The following SNED1 variants were observed in gnomAD, a reference collection of about 807,000 sequenced individuals.
SNED1 encodes the protein sushi, nidogen and EGF like domains 1, also known as sushi, nidogen and EGF-like domain-containing protein 1.
A neutral mutation model predicts 166.7 loss-of-function variants in SNED1; 81 were observed. The ratio of observed to expected loss-of-function variants is 0.49; its 90% CI spans 0.41 to 0.58. The LOEUF is 0.58. SNED1 is among the 20% of genes least tolerant of loss of function. The probability of loss-of-function intolerance (pLI) is 0.00; values close to 1 mark genes in which losing one functional copy is unlikely to be tolerated. For synonymous variants in SNED1, 762 were observed against 822.0 expected, an observed-to-expected ratio of 0.93 and a Z score of 1.25; for missense variants, 1,604 against 2,000.2, an observed-to-expected ratio of 0.80 and a Z score of 3.78.
At chr2:241,019,604 G>A (rs1011472689) in intron 1 of SNED1, among the ~76,000 whole-genome samples, 1 of 152,190 alleles carries the variant, frequency 6.6e-6, no homozygotes, top group Non-Finnish European at 1.5e-5. Context: ...TCACACAGGC[G>A]GCACAGGGTC....
intron 27 of SNED1, among the ~76,000 whole-genome samples, chr2:241,077,154 G>A (rs1407948478): frequency 6.6e-6 from 1 of 152,008 alleles, no homozygotes; most frequent in African/African-American, 2.4e-5. Context: ...CAAGGGGGCT[G>A]AAACCATTCA....
At chr2:241,082,140 G>A in intron 28 of SNED1, 137 bp from the exon 29 acceptor site, 2 of 675,332 alleles carry the variant, frequency 3.0e-6, no homozygotes, top group Non-Finnish European at 5.2e-6. Flanking sequence ...CAGACCCCCG[G>A]GCCCTCTCCC....
intron 1 of SNED1, among the ~76,000 whole-genome samples, chr2:241,005,643 G>A (rs2060202233): frequency 6.6e-6 from 1 of 151,934 alleles, no homozygotes; most frequent in South Asian, 2.1e-4. Flanking sequence ...TTGAAAGATA[G>A]CTCTGCTGGG....
rs1194628110 is a variant in SNED1, at chr2:241,048,704, T to G, written c.1442T>G (p.Leu481Arg). The G allele has an allele frequency of 1.2e-6, 2 of 1,612,974 alleles. No homozygotes were observed. The highest frequency in any genetic ancestry group is 1.7e-6 in the Non-Finnish European group (2 of 1,179,548). ...GAGTGCCGCAACGGAGGCAGATGCC[T>G]GGGCGCCAACACCACCCTCTGCCAG... The part of the protein sequence containing the change: ...DCECRNGGRC[L>R]GANTTLCQCP... Residue 481 changes from leucine to arginine, a missense_variant, in exon 10 of 32, where the codon CTG (leucine) becomes CGG (arginine). Physicochemically the swap from Leu to Arg is moderately radical, Grantham distance 102. Coordinates refer to ENST00000310397, the MANE Select transcript of SNED1 (RefSeq NM_001080437.3).
chr2:241,090,434 G>A (rs1334755493), intron 31 of SNED1: 1 of 1,545,962 alleles, frequency 6.5e-7, no homozygotes, highest in South Asian at 1.2e-5. Context: ...TTTTTCATAA[G>A]TAGAAGGAGT....
intron 1 of SNED1, among the ~76,000 whole-genome samples, chr2:241,001,422 GT>G (rs1454218340): frequency 6.6e-6 from 1 of 152,246 alleles, no homozygotes; most frequent in East Asian, 1.9e-4. Flanking sequence ...GGGACCCATT[GT>G]TTTGCTTCTT....
At chr2:241,008,855 A>T (rs1007993577) in intron 1 of SNED1, among the ~76,000 whole-genome samples, 1 of 152,212 alleles carries the variant, frequency 6.6e-6, no homozygotes, top group Non-Finnish European at 1.5e-5. Flanking sequence ...GCCTCCACAC[A>T]GGAGGGCAGC....
chr2:241,002,595 G>A (rs2060108844), intron 1 of SNED1, among the ~76,000 whole-genome samples: 1 of 152,134 alleles, frequency 6.6e-6, no homozygotes, highest in Non-Finnish European at 1.5e-5. Flanking sequence ...TGGAGTGAGA[G>A]AGCCTGATGA....
Position 241,065,320 on chromosome 2 carries a change from T to C in SNED1, c.2735T>C (p.Leu912Pro). 1 of 1,612,710 alleles carries C rather than the reference T, an allele frequency of 6.2e-7. No homozygotes were observed. Among genetic ancestry groups the C allele is most frequent in the Non-Finnish European group, 8.5e-7 (1 of 1,179,782 alleles). ...CAKELFPPTA[L>P]KMERVEESGV... is the part of the protein sequence containing the mutation. ...GAAGAGCTCTTCCCACCGACGGCCC[T>C]CAAGATGGAGAGAGTGGAGGAGAGT... Residue 912 changes from leucine (L) to proline (P), a missense_variant, in exon 21 of 32, where the codon CTC (leucine) becomes CCC (proline). By Grantham distance (98) the Leu-to-Pro change is moderately conservative. Coordinates refer to ENST00000310397, the MANE Select transcript of SNED1 (RefSeq NM_001080437.3).
rs767178300 is a variant in SNED1 at position 241,065,498 on chromosome 2, G to A, written c.2913G>A (p.Ala971=). 3.5e-5 allele frequency: 56 copies of A among 1,612,814 alleles called. No individual in the cohort carries two copies. Among genetic ancestry groups the A allele is most frequent in the Non-Finnish European group, 4.3e-5 (51 of 1,179,850 alleles). ...CCTCGCACCAGCTCCAGGCCCTGGC[G>A]GCCGGCAGGGCCTACAACATCTCCG... ...TRSSHQLQAL[A]AGRAYNISVF... Residue 971 remains alanine, a synonymous_variant, in exon 21 of 32, where the codon GCG becomes GCA. Transcript: ENST00000310397.
chr2:241,085,977 C>G (rs945646289), intron 29 of SNED1, among the ~76,000 whole-genome samples: 3 of 149,826 alleles, frequency 2.0e-5, no homozygotes, highest in African/African-American at 4.9e-5. Context: ...AAGCTATTCT[C>G]CTGCCTCAGA....
At chr2:241,088,320 A>G (rs771135591) in intron 30 of SNED1, 45 bp from the exon 31 acceptor site, 2 of 1,394,260 alleles carry the variant, frequency 1.4e-6, no homozygotes, top group South Asian at 2.3e-5. Context: ...AATTCAAGGT[A>G]CACAGTCTCT....
chr2:241,053,242 G>T lies in SNED1; in HGVS notation c.2173G>T (p.Asp725Tyr). 6.2e-7 allele frequency: 1 copy of T among 1,608,490 alleles called. No individual in the cohort carries two copies. ...GGGCGCGGTGGCCCTGTATGCATGT[G>T]ACCGTGGCTACAGCCTGAGCGCCCC... ...RLGAVALYAC[D>Y]RGYSLSAPSR... Residue 725 changes from aspartate (D) to tyrosine (Y), a missense_variant, in exon 16 of 32, where the codon GAC becomes TAC. This residue lies in a region of SNED1 where 1,237 missense variants were observed against 1,620.8 expected (regional missense o/e 0.76). Transcript: ENST00000310397.
At chr2:241,006,471 A>G (rs1034875689) in intron 1 of SNED1, among the ~76,000 whole-genome samples, 1 of 152,210 alleles carries the variant, frequency 6.6e-6, no homozygotes, top group Admixed American at 6.5e-5. Flanking sequence ...TGGGTTGGAA[A>G]TGTTGAGGCT....
At chr2:241,085,428 A>G (rs920969163) in intron 29 of SNED1, among the ~76,000 whole-genome samples, 5 of 152,140 alleles carry the variant, frequency 3.3e-5, no homozygotes, top group African/African-American at 1.2e-4. Context: ...CAGAAGTTTC[A>G]TTTAGTTGTT....
Position 241,034,618 on chromosome 2 carries a change from G to T in SNED1, c.693G>T (p.Ser231=), listed in dbSNP as rs202020143. ...AGCGTTACTTCAGTATCCCCGGCTC[G>T]CGCACAGCAGACATGGCCGAGGTGG... is the stretch of plus-strand genomic sequence containing the variant. The part of the protein sequence containing the change: ...DGQRYFSIPG[S]RTADMAEVET... Residue 231 remains serine (S), a synonymous_variant, in exon 4 of 32, where the codon TCG becomes TCT. Transcript: ENST00000310397. 2.5e-6 allele frequency: 4 copies of T among 1,611,608 alleles called. No individual in the cohort carries two copies. The East Asian group carries it at 8.9e-5, about 36-fold the overall frequency.
In SNED1 at chr2:241,040,205, C is replaced by T. The variant is rs770607039; in HGVS notation, c.1159+17C>T. 1.0e-5 allele frequency: 16 copies of T among 1,580,272 alleles called. No individual in the cohort carries two copies. Among genetic ancestry groups the T allele is most frequent in the South Asian group, 3.5e-5 (3 of 86,566 alleles). ...GCGAGATGGGTGAGTGGCCTGGCTT[C>T]GGATTGGAGAGGGGCTCCTGCCCGT... On this transcript the variant is annotated intron_variant, in intron 7 of 31. Transcript: ENST00000310397.
rs1559329134 is a variant in SNED1 at position 241,093,125 on chromosome 2, CG to C, written c.*1490del. The C allele has an allele frequency of 6.6e-6, 1 of 152,344 alleles. No homozygotes were observed. Among genetic ancestry groups the C allele is most frequent in the Non-Finnish European group, 1.5e-5 (1 of 68,006 alleles). The allele number at this position is 152,344 out of a possible 1,614,324, so 9.4% of individuals were successfully genotyped here. A position where few individuals can be genotyped will look rare whatever the true frequency, so the allele number is the denominator to read the frequency against. On this transcript the variant is annotated 3_prime_UTR_variant, in exon 32 of 32. Transcript: ENST00000310397. The stretch of plus-strand genomic sequence containing the variant: ...TCAGAAAGAAGGAACAGGCAATTCG[CG>C]AAGTTTCACCTGTACTCCCGAGCTG...
chr2:241,046,840 A>G (rs1287537274), intron 8 of SNED1, among the ~76,000 whole-genome samples: 1 of 152,218 alleles, frequency 6.6e-6, no homozygotes, highest in Non-Finnish European at 1.5e-5. Flanking sequence ...GAAGAAACTG[A>G]ACATCTTTTA....
Sources: allele counts gnomAD v4.1 joint callset (sites outside exome capture counted in the v4.1 genomes callset), GRCh38; gene constraint gnomAD v4.1.1; regional missense constraint gnomAD v4.1.1; transcripts MANE v1.5; gene names NCBI Gene and HGNC (gene_info 2026-07-23, HGNC 2026-07-21).